CRHBP: variants seen among roughly 807,000 people sequenced by gnomAD.
CRHBP encodes corticotropin-releasing hormone-binding protein.
A neutral mutation model predicts 34.9 loss-of-function variants in CRHBP; 19 were observed. The observed-to-expected ratio is 0.55, with a 90% CI of 0.38 to 0.80. The LOEUF is 0.80. Among genes scored for constraint, CRHBP ranks in the 30% least tolerant of loss-of-function variants. The probability of loss-of-function intolerance (pLI) is 0.00; values close to 1 mark genes in which losing one functional copy is unlikely to be tolerated. For missense variants in CRHBP, 328 were observed against 409.2 expected (o/e 0.80, Z 1.71); for synonymous variants, 154 against 153.4 (o/e 1.00, Z -0.03).
At chr5:76,980,097 A>G (rs1372967254) in intron 3 of CRHBP, among the ~76,000 whole-genome samples, 1 of 149,760 alleles carries the variant, frequency 6.7e-6, no homozygotes, top group Admixed American at 6.7e-5. Flanking sequence ...TAAAAATACA[A>G]AAAAAAAATT....
At position 76,953,211 on chromosome 5, in the gene CRHBP, T is replaced by G; in HGVS notation, c.77T>G (p.Leu26Arg). The change falls in exon 1 of 7, where the codon CTA becomes CGA. Residue 26 changes from leucine (L) to arginine (R), a missense_variant. This residue lies in a region of CRHBP where 173 missense variants were observed against 172.2 expected (regional missense o/e 1.00). Coordinates refer to ENST00000274368, the MANE Select transcript of CRHBP (RefSeq NM_001882.4). ...LTALRGESRY[L>R]ELREAADYDP... ...GCTCTAAGAGGGGAAAGCCGGTACC[T>G]AGAGGTGAGCCACCCCTGGACTGAC... The G allele has an allele frequency of 6.2e-7, 1 of 1,613,690 alleles. No homozygotes were observed. The highest frequency in any genetic ancestry group is 2.2e-5 in the East Asian group (1 of 44,878).
At chr5:76,974,722 G>A (rs1198901980) in intron 2 of CRHBP, among the ~76,000 whole-genome samples, 2 of 152,154 alleles carry the variant, frequency 1.3e-5, no homozygotes, top group African/African-American at 2.4e-5. Flanking sequence ...AATGGCATCA[G>A]TTCTAATGGG....
At chr5:76,959,469 A>G (rs184979375) in intron 5 of CRHBP, among the ~76,000 whole-genome samples, 1 of 152,230 alleles carries the variant, frequency 6.6e-6, no homozygotes, top group African/African-American at 2.4e-5. Flanking sequence ...TTTTTGAATA[A>G]ACTTCTGTAT....
rs142415346 is a variant in CRHBP, at chr5:76,957,427, C to G, written c.545-1314C>G. Reference sequence around the variant, plus strand: ...TTTGAGACGGAGTGTTGCTCTGTCACCCATGCTGGAGTGCAGTGGCACGAT... The same window carrying G: ...TTTGAGACGGAGTGTTGCTCTGTCAGCCATGCTGGAGTGCAGTGGCACGAT... On this transcript the variant is annotated intron_variant, in intron 4 of 6. Transcript: ENST00000274368. 2.4e-3 allele frequency among the ~76,000 whole-genome samples: 369 copies of G among 152,302 alleles called. 2 individuals carry two copies. The highest frequency in any genetic ancestry group is 8.3e-3 in the African/African-American group (347 of 41,564).
At chr5:76,975,817 A>ATATATAT in intron 2 of CRHBP, among the ~76,000 whole-genome samples, 1 of 85,082 alleles carries the variant, frequency 1.2e-5, no homozygotes, top group African/African-American at 7.6e-5. Context: ...AAAAAAAAAA[A>ATATATAT]AAAAAAAAAT....
At chr5:76,974,209 G>T (rs1745987577), downstream of CRHBP, among the ~76,000 whole-genome samples, 1 of 151,648 alleles carries the variant, frequency 6.6e-6, no homozygotes, top group Non-Finnish European at 1.5e-5. Context: ...TAGAGACGGG[G>T]TTTCACCAGG....
At chr5:76,954,246 C>A in intron 3 of CRHBP, 60 bp downstream of exon 3, 1 of 1,571,128 alleles carries the variant, frequency 6.4e-7, no homozygotes, top group Non-Finnish European at 8.6e-7. Flanking sequence ...TTGGAAAGGG[C>A]TGGGGCGCTG....
chr5:76,953,339 C>A, intron 1 of CRHBP, 124 bp downstream of exon 1: 1 of 963,274 alleles, frequency 1.0e-6, no homozygotes, highest in Non-Finnish European at 1.6e-6. Flanking sequence ...TGGATGCTGT[C>A]TTGCCCCTGG....
chr5:76,976,551 T>TTC (rs1281663963), intron 3 of CRHBP: 2 of 152,194 alleles, frequency 1.3e-5, no homozygotes, highest in Non-Finnish European at 2.9e-5. Flanking sequence ...TAACCAGCTG[T>TTC]ATGTCCTTGA....
intron 1 of CRHBP, 178 bp downstream of exon 1, chr5:76,953,393 A>ACTGC (rs1448121275): frequency 7.3e-6 from 6 of 818,526 alleles, no homozygotes; most frequent in African/African-American, 5.1e-5. Flanking sequence ...AGCATCCCAG[A>ACTGC]CTGCCTGCCT....
Position 76,955,919 on chromosome 5 carries a change from T to C in CRHBP, c.544+56T>C, listed in dbSNP as rs1745661615. ...CGGATATAGACCCGCTTTTTGAAAG[T>C]AGTATCATTGCACAGACTTAAAGAA... On this transcript the variant is annotated intron_variant, in intron 4 of 6. Coordinates refer to ENST00000274368, the MANE Select transcript of CRHBP (RefSeq NM_001882.4). The C allele has an allele frequency of 2.0e-6, 3 of 1,492,338 alleles. No individual in the cohort carries two copies. In the Admixed American group the frequency reaches 5.6e-5, roughly 28 times the overall value. 92.4% of individuals were successfully genotyped at this position (1,492,338 alleles called of 1,614,324 possible).
chr5:76,975,829 TATATA>T (rs1746020395), intron 2 of CRHBP, among the ~76,000 whole-genome samples: 7 of 76,946 alleles, frequency 9.1e-5, no homozygotes, highest in African/African-American at 4.9e-4. Context: ...AAAAAAAATA[TATATA>T]TATATATATA....
intron 6 of CRHBP, 82 bp downstream of exon 6, chr5:76,963,542 G>A (rs1745814059): frequency 1.2e-5 from 15 of 1,278,868 alleles, no homozygotes; most frequent in Non-Finnish European, 1.6e-5. Context: ...TTCTACATTG[G>A]AAGGTGAGTT....
intron 5 of CRHBP, among the ~76,000 whole-genome samples, chr5:76,960,703 T>C (rs1323728352): frequency 6.6e-6 from 1 of 152,148 alleles, no homozygotes; most frequent in Non-Finnish European, 1.5e-5. Context: ...ATTTTGCACA[T>C]TGAGTTGGTG....
In CRHBP at chr5:76,953,208, A is replaced by G; in HGVS notation, c.74A>G (p.Tyr25Cys). The change falls in exon 1 of 7, where the codon TAC becomes TGC. Residue 25 changes from tyrosine (Y) to cysteine (C), a missense_variant. By Grantham distance (194) the Tyr-to-Cys change is radical (BLOSUM62 -2). Transcript: ENST00000274368. ...FLTALRGESR[Y>C]LELREAADYD... ...ACGGCTCTAAGAGGGGAAAGCCGGT[A>G]CCTAGAGGTGAGCCACCCCTGGACT... The G allele has an allele frequency of 6.2e-7, 1 of 1,614,162 alleles. No homozygotes were observed. Among genetic ancestry groups the G allele is most frequent in the Non-Finnish European group, 8.5e-7 (1 of 1,180,000 alleles).
chr5:76,963,381 G>A lies in CRHBP; in HGVS notation c.732G>A (p.Val244=). The A allele has an allele frequency of 6.2e-7, 1 of 1,614,142 alleles. No homozygotes were observed. Among genetic ancestry groups the A allele is most frequent in the East Asian group, 2.2e-5 (1 of 44,878 alleles). ...GTTGCGAGGGAATAGGAGACTTTGT[G>A]GAGCTGCTGGGAGGAACTGGATTGG... The part of the protein sequence containing the change: ...SAGCEGIGDF[V]ELLGGTGLDP... Residue 244 remains valine, a synonymous_variant, in exon 6 of 7, where the codon GTG becomes GTA. Coordinates refer to ENST00000274368, the MANE Select transcript of CRHBP (RefSeq NM_001882.4).
intron 3 of CRHBP, among the ~76,000 whole-genome samples, chr5:76,978,319 A>G (rs947995617): frequency 6.6e-6 from 1 of 152,194 alleles, no homozygotes; most frequent in Non-Finnish European, 1.5e-5. Flanking sequence ...CCTGGTTTCA[A>G]AGCTTCAAAG....
chr5:76,976,750 A>G (rs1746040368), intron 3 of CRHBP, among the ~76,000 whole-genome samples: 1 of 152,174 alleles, frequency 6.6e-6, no homozygotes. Context: ...TTTTATCTTA[A>G]ATGCTTCTAA....
At chr5:76,962,006 G>C (rs990522622) in intron 5 of CRHBP, among the ~76,000 whole-genome samples, 2 of 152,122 alleles carry the variant, frequency 1.3e-5, no homozygotes, top group African/African-American at 2.4e-5. Context: ...CACCTGCCTT[G>C]GCCTCCCAAA....
Sources: allele counts gnomAD v4.1 joint callset (sites outside exome capture counted in the v4.1 genomes callset), GRCh38; gene constraint gnomAD v4.1.1; regional missense constraint gnomAD v4.1.1; transcripts MANE v1.5; gene names NCBI Gene and HGNC (gene_info 2026-07-23, HGNC 2026-07-21).